ADGRL3: variants seen among roughly 807,000 people sequenced by gnomAD.
ADGRL3 encodes adhesion G protein-coupled receptor L3.
ADGRL3 carries 62 observed loss-of-function variants against 153.5 expected under a neutral mutation model. The observed-to-expected ratio is 0.40, with a 90% CI of 0.33 to 0.50. ADGRL3 has a LOEUF of 0.50. ADGRL3 is among the 20% of genes least tolerant of loss of function. ADGRL3 has a pLI of 0.47. For missense variants in ADGRL3, 1,641 were observed against 1,859.4 expected, an observed-to-expected ratio of 0.88 and a Z score of 2.16; for synonymous variants, 710 against 672.5, an observed-to-expected ratio of 1.06 and a Z score of -0.86.
intron 1 of ADGRL3, among the ~76,000 whole-genome samples, chr4:61,270,791 G>A (rs1473792288): frequency 1.3e-5 from 2 of 151,548 alleles, no homozygotes; most frequent in African/African-American, 2.4e-5. Context: ...TTCTCTTTAT[G>A]ACTTTACTGA....
rs755576462 is a variant in ADGRL3 at position 61,947,104 on chromosome 4, T to C, written c.2610T>C (p.Phe870=). Residue 870 remains phenylalanine, a synonymous_variant, in exon 16 of 27, where the codon TTT becomes TTC. Transcript: ENST00000683033. ...TTTATTTGGCTGATCCTGTGGTATT[T>C]ACTGTTAAACATATCAAGGTAAGAA... ...NKVYLADPVV[F]TVKHIKQSEE... is the part of the protein sequence containing the mutation. 6 of 1,613,720 alleles carry C rather than the reference T, an allele frequency of 3.7e-6. No individual in the cohort carries two copies. The highest frequency in any genetic ancestry group is 3.4e-6 in the Non-Finnish European group (4 of 1,179,678).
intron 5 of ADGRL3, among the ~76,000 whole-genome samples, chr4:61,629,293 C>T (rs771072502): frequency 2.6e-5 from 4 of 152,100 alleles, no homozygotes; most frequent in Admixed American, 2.6e-4. Flanking sequence ...AGAGTAATTA[C>T]ACCCCTATTA....
chr4:61,616,186 G>A (rs1245909274), intron 5 of ADGRL3, among the ~76,000 whole-genome samples: 1 of 152,020 alleles, frequency 6.6e-6, no homozygotes, highest in African/African-American at 2.4e-5. Flanking sequence ...TGATAAAAAT[G>A]GTAGTTATAT....
At chr4:61,417,732 G>A (rs2097160374) in intron 2 of ADGRL3, among the ~76,000 whole-genome samples, 2 of 151,388 alleles carry the variant, frequency 1.3e-5, no homozygotes, top group Non-Finnish European at 2.9e-5. Context: ...TAGAGGAGGT[G>A]CATAGGATCC....
chr4:61,564,652 T>G (rs142412155), intron 4 of ADGRL3, among the ~76,000 whole-genome samples: 2,302 of 152,328 alleles, frequency 0.015, 52 homozygotes, highest in African/African-American at 0.052. Flanking sequence ...TTGACTGCTC[T>G]TTGACATAGA....
chr4:61,459,085 T>C (rs2097783054), intron 2 of ADGRL3, among the ~76,000 whole-genome samples: 1 of 151,500 alleles, frequency 6.6e-6, no homozygotes. Flanking sequence ...TTAAATAATA[T>C]AGAGAGAATT....
chr4:61,631,976 A>T (rs1285255644), intron 5 of ADGRL3, among the ~76,000 whole-genome samples: 1 of 152,048 alleles, frequency 6.6e-6, no homozygotes, highest in East Asian at 1.9e-4. Flanking sequence ...GTTTTCTTTA[A>T]AAGTAAACTC....
At chr4:61,627,433 C>T (rs1433433222) in intron 5 of ADGRL3, among the ~76,000 whole-genome samples, 1 of 151,948 alleles carries the variant, frequency 6.6e-6, no homozygotes, top group Non-Finnish European at 1.5e-5. Flanking sequence ...ATGGTCTGGC[C>T]AACATGGTGA....
chr4:61,895,696 A>G (rs1308647508), intron 10 of ADGRL3, 35 bp from the exon 11 acceptor site: 6 of 1,164,488 alleles, frequency 5.2e-6, no homozygotes, highest in Middle Eastern at 2.0e-4. Context: ...TCATTCTAAG[A>G]AAAAGAAACA....
chr4:61,439,917 A>G (rs335285), intron 2 of ADGRL3, among the ~76,000 whole-genome samples: 76,468 of 152,124 alleles, frequency 0.5, 20,393 homozygotes, highest in East Asian at 0.81. Context: ...ATACACATAC[A>G]TAACATATAC....
At chr4:61,760,257 T>A (rs2096894692) in intron 8 of ADGRL3, among the ~76,000 whole-genome samples, 1 of 152,162 alleles carries the variant, frequency 6.6e-6, no homozygotes, top group East Asian at 1.9e-4. Context: ...CCCCCAGAGG[T>A]GGAGTCTACA....
intron 9 of ADGRL3, among the ~76,000 whole-genome samples, chr4:61,816,022 A>G (rs1441936584): frequency 6.6e-6 from 1 of 152,236 alleles, no homozygotes; most frequent in Non-Finnish European, 1.5e-5. Context: ...TCATCATGAG[A>G]AATAAATATG....
At chr4:61,490,046 T>C (rs1579146187) in intron 2 of ADGRL3, among the ~76,000 whole-genome samples, 2 of 152,134 alleles carry the variant, frequency 1.3e-5, no homozygotes, top group African/African-American at 4.8e-5. Flanking sequence ...GCTCCTCACT[T>C]CTTCCTGAGA....
intron 6 of ADGRL3, among the ~76,000 whole-genome samples, chr4:61,678,265 G>C (rs2095256050): frequency 1.3e-5 from 2 of 151,924 alleles, no homozygotes; most frequent in South Asian, 2.1e-4. Flanking sequence ...GTTCTATCAA[G>C]GAATTTTATT....
At chr4:61,499,546 T>C (rs1014166415) in intron 3 of ADGRL3, among the ~76,000 whole-genome samples, 2 of 152,174 alleles carry the variant, frequency 1.3e-5, no homozygotes, top group Admixed American at 6.5e-5. Context: ...GAGAATAAAA[T>C]AAATAGCATA....
intron 2 of ADGRL3, among the ~76,000 whole-genome samples, chr4:61,449,436 AT>A (rs1029219020): frequency 6.6e-6 from 1 of 151,578 alleles, no homozygotes; most frequent in African/African-American, 2.4e-5. Context: ...CGCCCGGCCT[AT>A]TTTTTCCATT....
chr4:61,461,252 CCAGTTAGTACCAACAAA>C (rs2097812295), intron 2 of ADGRL3, among the ~76,000 whole-genome samples: 1 of 151,954 alleles, frequency 6.6e-6, no homozygotes, highest in African/African-American at 2.4e-5. Context: ...GCAAACCATA[CCAGTTAGTACCAACAAA>C]CAGTTAGATA....
At chr4:61,863,488 C>A (rs1317643638) in intron 9 of ADGRL3, among the ~76,000 whole-genome samples, 1 of 151,856 alleles carries the variant, frequency 6.6e-6, no homozygotes, top group Non-Finnish European at 1.5e-5. Flanking sequence ...CCGCCCGCCT[C>A]GGCCTCCCAA....
chr4:61,948,533 A>G (rs1474145718), intron 17 of ADGRL3, among the ~76,000 whole-genome samples: 2 of 152,190 alleles, frequency 1.3e-5, no homozygotes, highest in Admixed American at 6.5e-5. Flanking sequence ...GTTATTTTGT[A>G]TAATAAATGT....
Sources: gnomAD v4.1 joint callset for allele counts (sites outside exome capture counted in the v4.1 genomes callset) on GRCh38, gnomAD v4.1.1 for gene constraint, MANE v1.5 for transcripts, NCBI Gene and HGNC (gene_info 2026-07-23, HGNC 2026-07-21) for gene names.